PCDH15: variants seen among roughly 807,000 people sequenced by gnomAD.
PCDH15 encodes protocadherin-15.
A neutral mutation model predicts 178.5 loss-of-function variants in PCDH15; 129 were observed. That is an observed-to-expected ratio of 0.72 (90% CI 0.63 to 0.84). The LOEUF is 0.84. PCDH15 is among the 40% of genes least tolerant of loss of function. The pLI is 0.00. For synonymous variants in PCDH15, 800 were observed against 732.0 expected (o/e 1.09, Z -1.50); for missense variants, 2,230 against 2,099.9 (o/e 1.06, Z -1.21).
intron 1 of PCDH15, among the ~76,000 whole-genome samples, chr10:54,769,806 C>T (rs574710659): frequency 2.0e-5 from 3 of 152,166 alleles, no homozygotes; most frequent in East Asian, 3.9e-4. Context: ...CTGTTCTTTG[C>T]AACTCAGAGC....
chr10:55,109,727 C>T (rs1369393949), intron 2 of PCDH15, among the ~76,000 whole-genome samples: 4 of 151,982 alleles, frequency 2.6e-5, no homozygotes, highest in Non-Finnish European at 5.9e-5. Flanking sequence ...GAAGTTACTC[C>T]TATTTTTGAT....
At chr10:55,353,821 TC>T (rs1346753210) in intron 2 of PCDH15, among the ~76,000 whole-genome samples, 2 of 152,024 alleles carry the variant, frequency 1.3e-5, no homozygotes, top group Non-Finnish European at 2.9e-5. Context: ...AGGAGTACTG[TC>T]CCGTGGGTTG....
At chr10:54,980,634 A>G (rs1591817681) in intron 2 of PCDH15, among the ~76,000 whole-genome samples, 1 of 152,266 alleles carries the variant, frequency 6.6e-6, no homozygotes, top group East Asian at 1.9e-4. Flanking sequence ...AAACATTATC[A>G]AATTCACAAA....
At chr10:54,278,576 G>GA (rs2058482283) in intron 8 of PCDH15, among the ~76,000 whole-genome samples, 1 of 151,460 alleles carries the variant, frequency 6.6e-6, no homozygotes, top group Non-Finnish European at 1.5e-5. Context: ...AAAGTACAGA[G>GA]AAAAAAATAG....
chr10:53,879,349 T>C lies in PCDH15; in HGVS notation c.3502-12492A>G, dbSNP rs548116395. 2.6e-3 allele frequency among the ~76,000 whole-genome samples: 389 copies of C among 152,276 alleles called. 1 individual carries two copies. Among genetic ancestry groups the C allele is most frequent in the African/African-American group, 8.7e-3 (360 of 41,562 alleles). ...TTTATTGATAGCAAAGCAAAAGCACTTAAATAGAAAATATTTATAATGATA... is the reference window on the plus strand; with the variant it reads ...TTTATTGATAGCAAAGCAAAAGCACCTAAATAGAAAATATTTATAATGATA... On this transcript the variant is annotated intron_variant, in intron 26 of 37. Transcript: ENST00000644397.
chr10:54,261,521 GA>G (rs1234458662), intron 8 of PCDH15, among the ~76,000 whole-genome samples: 5 of 152,162 alleles, frequency 3.3e-5, no homozygotes, highest in Admixed American at 3.3e-4. Flanking sequence ...AGGTTCATTA[GA>G]ATTTTTGGGT....
intron 2 of PCDH15, among the ~76,000 whole-genome samples, chr10:54,622,592 AATATATAATATATATAATTATATATAAT>A (rs2093389920): frequency 2.2e-5 from 1 of 46,162 alleles, no homozygotes; most frequent in African/African-American, 8.6e-5. Flanking sequence ...TAATATATAT[AATATATAATATATATAATTATATATAAT>A]ATATATAATA....
chr10:55,476,399 A>G (rs1840062758), intron 2 of PCDH15, among the ~76,000 whole-genome samples: 2 of 152,098 alleles, frequency 1.3e-5, no homozygotes, highest in Non-Finnish European at 2.9e-5. Flanking sequence ...ATCATCATGC[A>G]GTGAGCTTCC....
chr10:55,047,731 AAAAT>A, intron 2 of PCDH15, among the ~76,000 whole-genome samples: 1 of 151,886 alleles, frequency 6.6e-6, no homozygotes. Flanking sequence ...ACTTTCCAAA[AAAAT>A]AAATGTTTTC....
intron 2 of PCDH15, among the ~76,000 whole-genome samples, chr10:54,578,569 T>C (rs1287107446): frequency 6.6e-6 from 1 of 152,090 alleles, no homozygotes; most frequent in East Asian, 1.9e-4. Flanking sequence ...GTTTAGGTCT[T>C]CCAAGTCAGT....
chr10:54,539,100 C>A (rs1034853710), intron 2 of PCDH15, among the ~76,000 whole-genome samples: 1 of 152,122 alleles, frequency 6.6e-6, no homozygotes, highest in Admixed American at 6.6e-5. Context: ...TGATTTCTTT[C>A]AGCAGTGTGC....
chr10:55,147,651 C>CT (rs11475560), intron 2 of PCDH15, among the ~76,000 whole-genome samples: 3 of 105,932 alleles, frequency 2.8e-5, no homozygotes, highest in East Asian at 6.4e-4. Context: ...TTTCCTCTTC[C>CT]TTTTTTTTTT....
At chr10:54,033,624 T>C (rs1248814278) in intron 18 of PCDH15, among the ~76,000 whole-genome samples, 1 of 151,974 alleles carries the variant, frequency 6.6e-6, no homozygotes, top group African/African-American at 2.4e-5. Flanking sequence ...ACTTCTTAAG[T>C]AATGAAATAA....
chr10:55,221,151 A>C (rs867921619), intron 1 of PCDH15, among the ~76,000 whole-genome samples: 7 of 152,094 alleles, frequency 4.6e-5, no homozygotes, highest in Admixed American at 1.3e-4. Context: ...CAGATAGCAC[A>C]CACACACACT....
chr10:53,840,779 A>G (rs2077595263), intron 28 of PCDH15, among the ~76,000 whole-genome samples: 1 of 152,192 alleles, frequency 6.6e-6, no homozygotes, highest in South Asian at 2.1e-4. Context: ...TTTACATGAG[A>G]AATGCCAAAT....
chr10:54,366,751 G>A (rs1946879624), intron 5 of PCDH15, among the ~76,000 whole-genome samples: 1 of 149,932 alleles, frequency 6.7e-6, no homozygotes. Flanking sequence ...AAAGAGTATG[G>A]GCAAAATCAA....
chr10:55,383,793 C>A (rs1353613163), intron 2 of PCDH15, among the ~76,000 whole-genome samples: 1 of 152,230 alleles, frequency 6.6e-6, no homozygotes, highest in Non-Finnish European at 1.5e-5. Flanking sequence ...AAGCCATTCC[C>A]TCTAAAGATG....
At chr10:55,101,364 G>A (rs1170340758) in intron 2 of PCDH15, among the ~76,000 whole-genome samples, 1 of 151,644 alleles carries the variant, frequency 6.6e-6, no homozygotes, top group East Asian at 1.9e-4. Flanking sequence ...ACTCCAGCCT[G>A]GGTGACAGAG....
Position 54,320,943 on chromosome 10 carries a change from A to G in PCDH15, c.706-3502T>C, listed in dbSNP as rs146357493. On this transcript the variant is annotated intron_variant, in intron 7 of 37. Coordinates refer to ENST00000644397, the MANE Select transcript of PCDH15 (RefSeq NM_001384140.1). ...AAATCATTAAGTAATCTCATCTTCC[A>G]TATTTCTAAAGTTATATTAAAGTTT... Among the ~76,000 whole-genome samples, 775 of 151,898 alleles carry G rather than the reference A, an allele frequency of 5.1e-3. 3 individuals are homozygous for G. The highest frequency in any genetic ancestry group is 8.3e-3 in the Admixed American group (127 of 15,216).
Sources: gnomAD v4.1 joint callset for allele counts (sites outside exome capture counted in the v4.1 genomes callset) on GRCh38, gnomAD v4.1.1 for gene constraint, MANE v1.5 for transcripts, NCBI Gene and HGNC (gene_info 2026-07-23, HGNC 2026-07-21) for gene names.